DENND2B: variants seen among roughly 807,000 people sequenced by gnomAD.
DENND2B encodes DENN domain containing 2B, also known as DENN domain-containing protein 2B.
A neutral mutation model predicts 116.0 loss-of-function variants in DENND2B; 32 were observed. The ratio of observed to expected loss-of-function variants is 0.28; its 90% CI spans 0.21 to 0.37. The LOEUF (loss-of-function observed/expected upper bound fraction) is 0.37. DENND2B is among the 10% of genes least tolerant of loss of function. The pLI is 1.00. For missense variants in DENND2B, 1,276 were observed against 1,477.7 expected, an observed-to-expected ratio of 0.86 and a Z score of 2.24; for synonymous variants, 588 against 583.9, an observed-to-expected ratio of 1.01 and a Z score of -0.10.
chr11:8,830,275 TCTCTC>T (rs1386871621), intron 4 of DENND2B, among the ~76,000 whole-genome samples: 2 of 152,134 alleles, frequency 1.3e-5, no homozygotes, highest in Non-Finnish European at 2.9e-5. Context: ...GGAGTGAACA[TCTCTC>T]CTTTCCTTAT....
At chr11:8,751,599 G>A (rs368669308) in intron 1 of DENND2B, among the ~76,000 whole-genome samples, 7 of 92,526 alleles carry the variant, frequency 7.6e-5, no homozygotes, top group East Asian at 4.2e-4. Context: ...GAACACATCC[G>A]AACATCAGAA....
chr11:8,700,037 G>C, intron 14 of DENND2B: 1 of 454,634 alleles, frequency 2.2e-6, no homozygotes. Flanking sequence ...AACAATAGCT[G>C]TATTCACAGC....
chr11:8,744,284 C>A (rs981082624), intron 2 of DENND2B, among the ~76,000 whole-genome samples: 3 of 151,902 alleles, frequency 2.0e-5, no homozygotes, highest in Non-Finnish European at 4.4e-5. Flanking sequence ...CAGGTGTGCA[C>A]CACCATGCCC....
At chr11:8,860,354 T>A (rs976501702) in intron 2 of DENND2B, among the ~76,000 whole-genome samples, 1 of 152,086 alleles carries the variant, frequency 6.6e-6, no homozygotes, top group Non-Finnish European at 1.5e-5. Flanking sequence ...AGTCTCAGGT[T>A]ACAAAATCAA....
intron 1 of DENND2B, chr11:8,785,111 CG>C (rs1472866293): frequency 6.6e-6 from 1 of 152,114 alleles, no homozygotes; most frequent in Admixed American, 6.5e-5. Flanking sequence ...TAAGATGCCA[CG>C]GGTGTCCATT....
intron 4 of DENND2B, among the ~76,000 whole-genome samples, chr11:8,838,945 G>A (rs1170918086): frequency 6.6e-6 from 1 of 152,208 alleles, no homozygotes; most frequent in African/African-American, 2.4e-5. Flanking sequence ...CAACACAGAT[G>A]TATGCTGAAG....
At chr11:8,781,830 T>C (rs575919911) in intron 1 of DENND2B, among the ~76,000 whole-genome samples, 1 of 152,094 alleles carries the variant, frequency 6.6e-6, no homozygotes, top group Non-Finnish European at 1.5e-5. Flanking sequence ...GAAAATAAAA[T>C]ATTGCTCAAT....
intron 4 of DENND2B, among the ~76,000 whole-genome samples, chr11:8,719,780 G>A (rs2045823440): frequency 6.6e-6 from 1 of 152,202 alleles, no homozygotes; most frequent in Non-Finnish European, 1.5e-5. Flanking sequence ...CAGGACCAGA[G>A]CATCACTGTC....
At chr11:8,703,994 A>AG (rs2042160513) in intron 13 of DENND2B, among the ~76,000 whole-genome samples, 1 of 152,190 alleles carries the variant, frequency 6.6e-6, no homozygotes, top group Non-Finnish European at 1.5e-5. Flanking sequence ...CCCTGCATGC[A>AG]GCCCAACAGG....
intron 1 of DENND2B, among the ~76,000 whole-genome samples, chr11:8,887,131 G>A (rs1335845252): frequency 6.6e-6 from 1 of 152,156 alleles, no homozygotes; most frequent in African/African-American, 2.4e-5. Context: ...CGCCCGGCCT[G>A]TGAAGATTTA....
chr11:8,817,184 C>T (rs1007282691), intron 4 of DENND2B, among the ~76,000 whole-genome samples: 1 of 152,182 alleles, frequency 6.6e-6, no homozygotes, highest in East Asian at 1.9e-4. Flanking sequence ...GACAAAGTTG[C>T]CTTTACAAAG....
chr11:8,748,546 G>C (rs2134031369), intron 2 of DENND2B, among the ~76,000 whole-genome samples: 1 of 151,996 alleles, frequency 6.6e-6, no homozygotes, highest in South Asian at 2.1e-4. Context: ...CCCAGGGGTA[G>C]TCTCTGAGAG....
rs764576886 is a variant in DENND2B at position 8,723,270 on chromosome 11, C to T, written c.1477+2803G>A. 3.3e-4 allele frequency among the ~76,000 whole-genome samples: 51 copies of T among 152,344 alleles called. 1 individual carries two copies. The highest frequency in any genetic ancestry group is 2.1e-3 in the East Asian group (11 of 5,186). ...CTGTGGTCCTCCCATTCTCTATTAT[C>T]TGACAAGGATTTCCTGTGGGGATAC... On this transcript the variant is annotated intron_variant, in intron 4 of 19. Coordinates refer to ENST00000313726, the MANE Select transcript of DENND2B (RefSeq NM_213618.2).
intron 1 of DENND2B, among the ~76,000 whole-genome samples, chr11:8,796,258 T>A (rs1057273776): frequency 4.6e-5 from 7 of 152,050 alleles, no homozygotes; most frequent in African/African-American, 1.7e-4. Context: ...AAAAGAAGTA[T>A]GGACCGGACA....
In DENND2B at chr11:8,694,137, G is replaced by A. The variant is rs761608713; in HGVS notation, c.3380-7C>T. 1.2e-6 allele frequency: 2 copies of A among 1,613,998 alleles called. No individual in the cohort carries two copies. Among genetic ancestry groups the A allele is most frequent in the Non-Finnish European group, 1.7e-6 (2 of 1,180,018 alleles). On this transcript the variant is annotated splice_polypyrimidine_tract_variant and splice_region_variant and intron_variant, in intron 19 of 19. Coordinates refer to ENST00000313726, the MANE Select transcript of DENND2B (RefSeq NM_213618.2). ...AGAAACTTCATTTTGTTGCCTGTGG[G>A]CCAGAGAGGACAAGAGAGAATGTTC...
chr11:8,707,193 G>C lies in DENND2B; in HGVS notation c.2463C>G (p.Ile821Met), dbSNP rs762796581. 1 of 1,613,298 alleles carries C rather than the reference G, an allele frequency of 6.2e-7. No individual in the cohort carries two copies. Among genetic ancestry groups the C allele is most frequent in the Non-Finnish European group, 8.5e-7 (1 of 1,179,546 alleles). Residue 821 changes from isoleucine (I) to methionine (M), a missense_variant, in exon 13 of 20, where the codon ATC becomes ATG. By Grantham distance (10) the Ile-to-Met change is conservative. This residue lies in a region of DENND2B where 420 missense variants were observed against 631.1 expected (regional missense o/e 0.67). Coordinates refer to ENST00000313726, the MANE Select transcript of DENND2B (RefSeq NM_213618.2). This position sits in a 1 kb window ranked among gnomAD's most constrained non-coding sequence, Gnocchi z 4.8. ...TGAAAGGATAGACCAATGCAGCGGAGATCCCACGCCGGCGCTCCACCTCAT... is the reference window on the plus strand; with the variant it reads ...TGAAAGGATAGACCAATGCAGCGGACATCCCACGCCGGCGCTCCACCTCAT... ...VLDEVERRRGISAALVYPFMR... is the reference protein window; with the variant it reads ...VLDEVERRRGMSAALVYPFMR...
chr11:8,899,114 G>GA (rs1460885445), intron 1 of DENND2B, among the ~76,000 whole-genome samples: 1 of 151,894 alleles, frequency 6.6e-6, no homozygotes, highest in African/African-American at 2.4e-5. Flanking sequence ...TACAGAAAAA[G>GA]AATCAGTAAA....
chr11:8,806,613 C>A, intron 1 of DENND2B, among the ~76,000 whole-genome samples: 1 of 150,772 alleles, frequency 6.6e-6, no homozygotes, highest in Admixed American at 6.6e-5. Flanking sequence ...AAAACACACA[C>A]ACACACACAC....
Position 8,702,832 on chromosome 11 carries a change from GTC to G in DENND2B, c.2572-114_2572-113del, listed in dbSNP as rs2041952546. 27 of 1,342,884 alleles carry G rather than the reference GTC, an allele frequency of 2.0e-5. No homozygotes were observed. Among genetic ancestry groups the G allele is most frequent in the Non-Finnish European group, 2.7e-5 (26 of 980,680 alleles). The allele number at this position is 1,342,884 out of a possible 1,614,324, so 83.2% of individuals were successfully genotyped here. A position where few individuals can be genotyped will look rare whatever the true frequency, so the allele number is the denominator to read the frequency against. On this transcript the variant is annotated intron_variant, in intron 13 of 19. Transcript: ENST00000313726. The surrounding 1 kb of genome is among the most constrained non-coding windows in gnomAD (Gnocchi z 4.6). ...CCCCTTCCAACCTGCTCTTTTCCAG[GTC>G]TCTCGTCTACCCTGCTATGCAGTAA...
Sources: gnomAD v4.1 joint callset for allele counts (sites outside exome capture counted in the v4.1 genomes callset) on GRCh38, gnomAD v4.1.1 for gene constraint, gnomAD v4.1.1 regional missense constraint, Gnocchi (gnomAD v3.1) non-coding constraint, MANE v1.5 for transcripts, NCBI Gene and HGNC (gene_info 2026-07-23, HGNC 2026-07-21) for gene names.